PPFIA2: variants seen among roughly 807,000 people sequenced by gnomAD.
PPFIA2 encodes liprin-alpha-2.
Under a neutral mutation model 175.5 loss-of-function variants are expected in PPFIA2, and 46 were observed. The ratio of observed to expected loss-of-function variants is 0.26; its 90% confidence interval spans 0.21 to 0.34. The LOEUF (loss-of-function observed/expected upper bound fraction) is 0.34, where lower values mean the gene tolerates loss of function less well. PPFIA2 is among the 10% of genes least tolerant of loss of function. PPFIA2 has a pLI of 1.00. For synonymous variants in PPFIA2, 568 were observed against 511.4 expected (o/e 1.11, Z -1.49); for missense variants, 1,179 against 1,506.1 (o/e 0.78, Z 3.60).
chr12:81,684,563 T>C (rs1567855458), intron 3 of PPFIA2, among the ~76,000 whole-genome samples: 2 of 152,238 alleles, frequency 1.3e-5, no homozygotes, highest in Admixed American at 1.3e-4. Context: ...TATGGTGAAG[T>C]GTGTCTTATT....
At chr12:81,554,225 TG>T (rs1486144377) in intron 4 of PPFIA2, among the ~76,000 whole-genome samples, 1 of 152,036 alleles carries the variant, frequency 6.6e-6, no homozygotes, top group Non-Finnish European at 1.5e-5. Flanking sequence ...AGATAAAATT[TG>T]TAGGACTTGA....
intron 4 of PPFIA2, among the ~76,000 whole-genome samples, chr12:81,618,707 A>AT (rs2061692339): frequency 6.6e-6 from 1 of 150,888 alleles, no homozygotes; most frequent in Non-Finnish European, 1.5e-5. Flanking sequence ...TTTTTTTTGT[A>AT]TTTTTTAGTA....
intron 4 of PPFIA2, among the ~76,000 whole-genome samples, chr12:81,507,993 AT>A (rs2061359000): frequency 1.3e-5 from 2 of 152,196 alleles, no homozygotes; most frequent in Admixed American, 6.5e-5. Flanking sequence ...TTTAAAAAAA[AT>A]AATACCAAAG....
chr12:81,641,959 T>C lies in PPFIA2; in HGVS notation c.303+34832A>G, dbSNP rs2065024409. On this transcript the variant is annotated intron_variant, in intron 4 of 32. Transcript: ENST00000549396. ...ACTTGCATACTATATTTTAACACTT[T>C]CATATTCTTGCATTCATGTGTTACT... 3.3e-5 allele frequency among the ~76,000 whole-genome samples: 5 copies of C among 152,342 alleles called. 1 individual carries two copies. In the South Asian group the frequency reaches 1.0e-3, roughly 32 times the overall value.
At chr12:81,277,881 A>G (rs1439152985) in intron 27 of PPFIA2, among the ~76,000 whole-genome samples, 1 of 152,226 alleles carries the variant, frequency 6.6e-6, no homozygotes, top group Non-Finnish European at 1.5e-5. Context: ...TAAAATGAGT[A>G]GCTCATAACT....
intron 22 of PPFIA2, among the ~76,000 whole-genome samples, chr12:81,300,644 A>G (rs987238277): frequency 6.6e-6 from 1 of 152,182 alleles, no homozygotes. Flanking sequence ...TAAGCTATTC[A>G]GCACCTGGGA....
intron 4 of PPFIA2, among the ~76,000 whole-genome samples, chr12:81,498,257 T>C (rs1253947689): frequency 6.6e-6 from 1 of 152,178 alleles, no homozygotes; most frequent in Non-Finnish European, 1.5e-5. Context: ...TAAATTAAAA[T>C]TAATGAAAAA....
intron 22 of PPFIA2, 101 bp downstream of exon 22, chr12:81,325,676 T>C (rs1566155288): frequency 6.0e-6 from 5 of 833,082 alleles, no homozygotes; most frequent in Non-Finnish European, 9.5e-6. Flanking sequence ...TTGGCTTCAA[T>C]ATAGTTCTTT....
At chr12:81,431,469 T>C (rs912504639) in intron 7 of PPFIA2, 1 of 152,196 alleles carries the variant, frequency 6.6e-6, no homozygotes, top group Non-Finnish European at 1.5e-5. Context: ...ACATTAACAA[T>C]CCAATCTGCC....
intron 4 of PPFIA2, among the ~76,000 whole-genome samples, chr12:81,584,400 C>T (rs1043430208): frequency 1.3e-5 from 2 of 151,744 alleles, no homozygotes; most frequent in African/African-American, 4.8e-5. Flanking sequence ...CCAACTACAC[C>T]TATGGCTTCT....
At position 81,421,965 on chromosome 12, in the gene PPFIA2, C is replaced by T. The variant is rs147682181; in HGVS notation, c.646-16062G>A. On this transcript the variant is annotated intron_variant, in intron 7 of 32. Coordinates refer to ENST00000549396, the MANE Select transcript of PPFIA2 (RefSeq NM_003625.5). ...GTAATCAAAAGAAAGCTGGGAATGG[C>T]TATGCTTATATCAGACAAAATAGAC... Among the ~76,000 whole-genome samples the T allele has an allele frequency of 1.7e-3, 261 of 151,300 alleles. 2 individuals carry two copies. In the East Asian group the frequency reaches 0.029, roughly 17 times the overall value.
At chr12:81,514,753 T>C (rs2062197810) in intron 4 of PPFIA2, among the ~76,000 whole-genome samples, 1 of 151,968 alleles carries the variant, frequency 6.6e-6, no homozygotes, top group Admixed American at 6.6e-5. Flanking sequence ...GTTTTAAAAA[T>C]TAAATATACT....
intron 4 of PPFIA2, among the ~76,000 whole-genome samples, chr12:81,583,546 T>C (rs888113680): frequency 6.6e-6 from 1 of 151,954 alleles, no homozygotes; most frequent in African/African-American, 2.4e-5. Flanking sequence ...AAATATAGGA[T>C]GTTTAAGATT....
intron 4 of PPFIA2, among the ~76,000 whole-genome samples, chr12:81,537,918 G>T (rs1288317341): frequency 2.0e-5 from 3 of 151,776 alleles, no homozygotes; most frequent in Non-Finnish European, 2.9e-5. Context: ...ATCTTTTGGG[G>T]TTAAATATTT....
intron 4 of PPFIA2, among the ~76,000 whole-genome samples, chr12:81,581,825 T>A (rs1285701501): frequency 6.6e-6 from 1 of 151,906 alleles, no homozygotes; most frequent in Non-Finnish European, 1.5e-5. Context: ...TTTTGTTTAA[T>A]GTGCCCATAA....
intron 9 of PPFIA2, among the ~76,000 whole-genome samples, chr12:81,377,442 C>T (rs773327392): frequency 6.6e-6 from 1 of 151,878 alleles, no homozygotes; most frequent in Non-Finnish European, 1.5e-5. Context: ...ATCCCAGCTA[C>T]TCAGAGAGGC....
intron 3 of PPFIA2, among the ~76,000 whole-genome samples, chr12:81,708,451 AG>A (rs2077490257): frequency 7.5e-6 from 1 of 133,100 alleles, no homozygotes; most frequent in African/African-American, 2.5e-5. Context: ...TCATGCAAAA[AG>A]TTTTCTTAAG....
intron 21 of PPFIA2, among the ~76,000 whole-genome samples, chr12:81,329,985 C>T (rs951636421): frequency 3.3e-5 from 5 of 152,138 alleles, no homozygotes; most frequent in Non-Finnish European, 5.9e-5. Flanking sequence ...GTAGGGCTTG[C>T]GAAGGCTCAG....
At chr12:81,503,460 T>C (rs2060810284) in intron 4 of PPFIA2, among the ~76,000 whole-genome samples, 3 of 151,974 alleles carry the variant, frequency 2.0e-5, no homozygotes, top group East Asian at 1.9e-4. Context: ...CACACAGTCT[T>C]CTAGAACTTG....
Sources: allele counts gnomAD v4.1 joint callset (sites outside exome capture counted in the v4.1 genomes callset), GRCh38; gene constraint gnomAD v4.1.1; transcripts MANE v1.5; gene names NCBI Gene and HGNC (gene_info 2026-07-23, HGNC 2026-07-21).